Variants in FRMD4A observed in about 807,000 individuals in gnomAD.
FRMD4A encodes the protein FERM domain-containing protein 4A.
In FRMD4A, 29 loss-of-function variants were observed where a neutral mutation model predicts 129.1. The ratio of observed to expected loss-of-function variants is 0.22; its 90% CI spans 0.17 to 0.31. The LOEUF (loss-of-function observed/expected upper bound fraction) is 0.31. Ranked by LOEUF, FRMD4A falls within the 10% of genes least tolerant of loss-of-function variation. The probability of loss-of-function intolerance (pLI) is 1.00; values close to 1 mark genes in which losing one functional copy is unlikely to be tolerated. For missense variants in FRMD4A, 1,272 were observed against 1,375.8 expected, an observed-to-expected ratio of 0.92 and a Z score of 1.19; for synonymous variants, 634 against 571.6, an observed-to-expected ratio of 1.11 and a Z score of -1.56.
At position 14,103,896 on chromosome 10, in the gene FRMD4A, A is replaced by G. The variant is rs374434521; in HGVS notation, c.45+226162T>C. Reference sequence around the variant, plus strand: ...CATAAAGATCACATTGAAATGATGAATTTAAAATGGCTGAACCCATCCTAA... The same window carrying G: ...CATAAAGATCACATTGAAATGATGAGTTTAAAATGGCTGAACCCATCCTAA... On this transcript the variant is annotated intron_variant, in intron 2 of 24. Transcript: ENST00000357447. 8.5e-5 allele frequency among the ~76,000 whole-genome samples: 13 copies of G among 152,346 alleles called. No homozygotes were observed. The South Asian group carries it at 2.7e-3, about 32-fold the overall frequency.
At chr10:13,695,463 A>G (rs897632622) in intron 14 of FRMD4A, among the ~76,000 whole-genome samples, 1 of 152,134 alleles carries the variant, frequency 6.6e-6, no homozygotes, top group African/African-American at 2.4e-5. Context: ...TTTATAAGGT[A>G]TCTGCTCCAG....
chr10:13,997,628 T>TC (rs1414988771), intron 2 of FRMD4A, among the ~76,000 whole-genome samples: 2 of 150,564 alleles, frequency 1.3e-5, no homozygotes, highest in Non-Finnish European at 1.5e-5. Flanking sequence ...TCTTTTCTTT[T>TC]TTTTTTTTTT....
chr10:13,944,044 ATCT>A (rs1403314274), intron 2 of FRMD4A, among the ~76,000 whole-genome samples: 1 of 152,208 alleles, frequency 6.6e-6, no homozygotes, highest in Non-Finnish European at 1.5e-5. Flanking sequence ...AAAAGAGACC[ATCT>A]GTCCAGGTCT....
At chr10:13,656,559 T>TC (rs2134647523) in intron 22 of FRMD4A, 77 bp downstream of exon 22, 1 of 1,305,786 alleles carries the variant, frequency 7.7e-7, no homozygotes, top group Non-Finnish European at 9.8e-7. Flanking sequence ...AAGGGTACCT[T>TC]CCCCGCGGTA....
At chr10:14,306,796 A>G (rs549404303) in intron 2 of FRMD4A, among the ~76,000 whole-genome samples, 7 of 152,312 alleles carry the variant, frequency 4.6e-5, no homozygotes, top group Non-Finnish European at 8.8e-5. Flanking sequence ...CAGCTCTTGA[A>G]AAGGTAAAAT....
At chr10:14,323,759 A>T (rs1843158555) in intron 2 of FRMD4A, among the ~76,000 whole-genome samples, 2 of 152,210 alleles carry the variant, frequency 1.3e-5, no homozygotes, top group African/African-American at 4.8e-5. Flanking sequence ...CAGCCTGATT[A>T]GTCAGAAATC....
At chr10:14,112,124 C>A (rs529439007) in intron 2 of FRMD4A, among the ~76,000 whole-genome samples, 26 of 152,150 alleles carry the variant, frequency 1.7e-4, no homozygotes, top group African/African-American at 5.8e-4. Flanking sequence ...ATTTGAGAAA[C>A]GGTGAGCAGA....
At chr10:14,311,987 C>T (rs1322334653) in intron 2 of FRMD4A, among the ~76,000 whole-genome samples, 1 of 152,140 alleles carries the variant, frequency 6.6e-6, no homozygotes, top group African/African-American at 2.4e-5. Context: ...CAGGGCTCAG[C>T]ATGTATTCAT....
chr10:13,836,755 CTTTTTTTTTT>C (rs35995042), intron 3 of FRMD4A, among the ~76,000 whole-genome samples: 1 of 110,050 alleles, frequency 9.1e-6, no homozygotes, highest in Non-Finnish European at 1.8e-5. Context: ...CTCAGTGGTT[CTTTTTTTTTT>C]TTTTTTTTTT....
At chr10:13,683,547 T>C (rs2084802244) in intron 15 of FRMD4A, among the ~76,000 whole-genome samples, 1 of 151,980 alleles carries the variant, frequency 6.6e-6, no homozygotes, top group Non-Finnish European at 1.5e-5. Context: ...CACTGAGCTA[T>C]GCTCACACCA....
intron 2 of FRMD4A, among the ~76,000 whole-genome samples, chr10:14,280,187 G>A (rs75264603): frequency 0.064 from 9,788 of 152,250 alleles, 396 homozygotes; most frequent in Non-Finnish European, 0.089. Context: ...GGAGCAAAGC[G>A]GATGGGGGCA....
intron 2 of FRMD4A, among the ~76,000 whole-genome samples, chr10:14,263,595 C>T (rs1205287669): frequency 6.6e-6 from 1 of 152,118 alleles, no homozygotes; most frequent in Non-Finnish European, 1.5e-5. Context: ...AACTGACTGT[C>T]CTGTGCCCCA....
chr10:14,000,429 T>G (rs1182427757), intron 2 of FRMD4A, among the ~76,000 whole-genome samples: 1 of 151,742 alleles, frequency 6.6e-6, no homozygotes, highest in Non-Finnish European at 1.5e-5. Context: ...GGTGGATCAC[T>G]TGAGGTCAGG....
intron 13 of FRMD4A, among the ~76,000 whole-genome samples, chr10:13,704,193 G>C (rs908665747): frequency 6.6e-6 from 1 of 152,186 alleles, no homozygotes; most frequent in Non-Finnish European, 1.5e-5. Context: ...CTGAGTGCAA[G>C]AAAGATCTTA....
intron 2 of FRMD4A, among the ~76,000 whole-genome samples, chr10:14,069,089 T>C (rs1588904556): frequency 6.6e-6 from 1 of 152,168 alleles, no homozygotes; most frequent in South Asian, 2.1e-4. Flanking sequence ...GAGGGTAGAT[T>C]TGGTGATTCA....
intron 9 of FRMD4A, among the ~76,000 whole-genome samples, chr10:13,741,287 A>G (rs1179948272): frequency 6.6e-6 from 1 of 151,676 alleles, no homozygotes; most frequent in East Asian, 2.0e-4. Context: ...TTGTCTCTAT[A>G]CAAAAATACA....
chr10:13,797,789 G>C (rs2093153515), intron 4 of FRMD4A, among the ~76,000 whole-genome samples: 1 of 152,122 alleles, frequency 6.6e-6, no homozygotes, highest in Non-Finnish European at 1.5e-5. Context: ...AAATCTGTCT[G>C]CATCATTGTC....
intron 12 of FRMD4A, among the ~76,000 whole-genome samples, chr10:13,719,017 T>G (rs530431261): frequency 6.6e-6 from 1 of 152,208 alleles, no homozygotes; most frequent in Non-Finnish European, 1.5e-5. Context: ...TTAGCTATTA[T>G]GACAACTGAA....
chr10:13,745,032 G>A (rs996728909), intron 9 of FRMD4A, among the ~76,000 whole-genome samples: 3 of 152,196 alleles, frequency 2.0e-5, no homozygotes, highest in Admixed American at 2.0e-4. Context: ...ACAATAATTT[G>A]TTGCATATGT....
Sources: gnomAD v4.1 joint callset for allele counts (sites outside exome capture counted in the v4.1 genomes callset) on GRCh38, gnomAD v4.1.1 for gene constraint, MANE v1.5 for transcripts, NCBI Gene and HGNC (gene_info 2026-07-23, HGNC 2026-07-21) for gene names.